The following FAM81A variants were observed in gnomAD, a reference collection of about 807,000 sequenced individuals.
The protein encoded by FAM81A is family with sequence similarity 81 member A, also known as protein FAM81A.
Under a neutral mutation model 46.7 loss-of-function variants are expected in FAM81A, and 19 were observed. The observed-to-expected ratio is 0.41, with a 90% CI of 0.28 to 0.60. The LOEUF (loss-of-function observed/expected upper bound fraction) is 0.60, where lower values mean the gene tolerates loss of function less well. Among genes scored for constraint, FAM81A ranks in the 20% least tolerant of loss-of-function variants. The pLI is 0.34. For synonymous variants in FAM81A, 183 were observed against 152.9 expected (o/e 1.20, Z -1.45); for missense variants, 377 against 453.5 (o/e 0.83, Z 1.53).
In FAM81A at chr15:59,421,682, C is replaced by G. The variant is rs2081172008; in HGVS notation, c.-78+19324C>G. On this transcript the variant is annotated intron_variant, in intron 2 of 4. Transcript: ENST00000558348. ...GTATTGAGGTTTTAAAGCTCTTATC[C>G]TTGGGGACAGATTAAACCCTTAAAC... is the stretch of plus-strand genomic sequence containing the variant. 2.6e-5 allele frequency among the ~76,000 whole-genome samples: 4 copies of G among 151,888 alleles called. No homozygotes were observed. The South Asian group carries it at 8.3e-4, about 32-fold the overall frequency.
intron 3 of FAM81A, among the ~76,000 whole-genome samples, chr15:59,480,366 T>C (rs1051066132): frequency 6.6e-6 from 1 of 152,180 alleles, no homozygotes; most frequent in Admixed American, 6.5e-5. Flanking sequence ...AACGCTGGCC[T>C]GTCTGGGGGG....
chr15:59,421,257 C>T (rs2141551979), intron 2 of FAM81A, among the ~76,000 whole-genome samples: 1 of 152,256 alleles, frequency 6.6e-6, no homozygotes, highest in East Asian at 1.9e-4. Flanking sequence ...AATTGGAGCT[C>T]AGTGGAAAGG....
intron 2 of FAM81A, among the ~76,000 whole-genome samples, chr15:59,405,108 G>T (rs2081088490): frequency 6.6e-6 from 1 of 152,184 alleles, no homozygotes; most frequent in African/African-American, 2.4e-5. Flanking sequence ...CTTCCTCAGA[G>T]AGGTCTTCCC....
At chr15:59,440,785 G>A (rs780109557) in intron 1 of FAM81A, among the ~76,000 whole-genome samples, 1 of 152,138 alleles carries the variant, frequency 6.6e-6, no homozygotes, top group African/African-American at 2.4e-5. Flanking sequence ...TCCACTTGGG[G>A]CATGTAAGTT....
intron 2 of FAM81A, among the ~76,000 whole-genome samples, chr15:59,424,236 C>T (rs763214309): frequency 6.6e-6 from 1 of 152,234 alleles, no homozygotes; most frequent in Non-Finnish European, 1.5e-5. Context: ...CTTCTTTTGT[C>T]TTCTGTGTTA....
At chr15:59,415,547 G>C (rs744416) in intron 2 of FAM81A, among the ~76,000 whole-genome samples, 62,048 of 152,078 alleles carry the variant, frequency 0.41, 14,135 homozygotes, top group Admixed American at 0.54. Context: ...TTGATCTTCT[G>C]TCATGTGCCA....
rs145355141 is a variant in FAM81A at position 59,498,959 on chromosome 15, G to A, written c.413+6570G>A. ...GTTAGGATTACAGGTGTGAGCCACC[G>A]CACCCAGCCCAAATGTGGATTTTTT... is the stretch of plus-strand genomic sequence containing the variant. On this transcript the variant is annotated intron_variant, in intron 4 of 8. Transcript: ENST00000288228. 6.7e-3 allele frequency among the ~76,000 whole-genome samples: 1,022 copies of A among 152,204 alleles called. 18 individuals carry two copies. The highest frequency in any genetic ancestry group is 0.024 in the African/African-American group (992 of 41,530).
chr15:59,455,692 A>G (rs1398205245), intron 1 of FAM81A, among the ~76,000 whole-genome samples: 1 of 152,182 alleles, frequency 6.6e-6, no homozygotes, highest in Non-Finnish European at 1.5e-5. Flanking sequence ...ATAGAGCTGC[A>G]TAGCGCTTAG....
At chr15:59,513,261 C>T (rs1596546535) in intron 6 of FAM81A, among the ~76,000 whole-genome samples, 1 of 151,966 alleles carries the variant, frequency 6.6e-6, no homozygotes, top group African/African-American at 2.4e-5. Context: ...CCATAGAGGA[C>T]AAGGGCAATT....
intron 2 of FAM81A, chr15:59,407,291 CTT>C (rs3053043): frequency 3.3e-5 from 4 of 120,216 alleles, no homozygotes; most frequent in Non-Finnish European, 3.3e-5. Context: ...CTTTTCTTTC[CTT>C]TTTTTTTTTT....
intron 3 of FAM81A, among the ~76,000 whole-genome samples, chr15:59,478,255 A>G (rs1484405167): frequency 2.6e-5 from 4 of 152,182 alleles, no homozygotes; most frequent in East Asian, 3.8e-4. Flanking sequence ...GCTCAACTTC[A>G]TGATGTCCTT....
chr15:59,408,302 TTTGTTGTTG>T (rs372437600), intron 2 of FAM81A: 2 of 152,222 alleles, frequency 1.3e-5, no homozygotes, highest in Non-Finnish European at 2.9e-5. Flanking sequence ...ACCTGTTTCT[TTTGTTGTTG>T]TTGTTGTTTT....
rs1426956301 is a variant in FAM81A, at chr15:59,522,197, T to C, written c.*819T>C. 1 of 152,646 alleles carries C rather than the reference T, an allele frequency of 6.6e-6. No individual in the cohort carries two copies. The highest frequency in any genetic ancestry group is 6.5e-5 in the Admixed American group (1 of 15,282). 9.5% of individuals were successfully genotyped at this position (152,646 alleles called of 1,614,324 possible). The stretch of plus-strand genomic sequence containing the variant: ...AATTGTTCACTAATCAAATAGAATG[T>C]GGTAATTTTTCAGACTTTATGATCT... On this transcript the variant is annotated 3_prime_UTR_variant, in exon 9 of 9. Coordinates refer to ENST00000288228, the MANE Select transcript of FAM81A (RefSeq NM_152450.3).
chr15:59,458,535 T>G lies in FAM81A; in HGVS notation c.-77-15T>G, dbSNP rs949855843. The G allele has an allele frequency of 2.1e-5, 34 of 1,589,670 alleles. No individual in the cohort carries two copies. The highest frequency in any genetic ancestry group is 2.9e-5 in the Non-Finnish European group (34 of 1,161,534). Reference sequence around the variant, plus strand: ...TATAAACTGTTAAATAATTTAGTGCTTATTTTTTCAACAGATGTGAATTAT... The same window carrying G: ...TATAAACTGTTAAATAATTTAGTGCGTATTTTTTCAACAGATGTGAATTAT... On this transcript the variant is annotated splice_polypyrimidine_tract_variant and intron_variant, in intron 1 of 8. Coordinates refer to ENST00000288228, the MANE Select transcript of FAM81A (RefSeq NM_152450.3).
chr15:59,479,412 G>A (rs2081818068), intron 3 of FAM81A, among the ~76,000 whole-genome samples: 1 of 151,428 alleles, frequency 6.6e-6, no homozygotes, highest in Non-Finnish European at 1.5e-5. Flanking sequence ...TTGGGAGGCT[G>A]AGGCAGGAGA....
At position 59,523,101 on chromosome 15, in the gene FAM81A, G is replaced by A. The variant is rs763177726; in HGVS notation, c.*1723G>A. ...ACACCCCCTCCAGCATCTCTGTCTT[G>A]TGGGGTCTTTGAGGAGAAGGAATCA... On this transcript the variant is annotated 3_prime_UTR_variant, in exon 9 of 9. Coordinates refer to ENST00000288228, the MANE Select transcript of FAM81A (RefSeq NM_152450.3). 1.3e-5 allele frequency: 2 copies of A among 152,314 alleles called. No individual in the cohort carries two copies. Among genetic ancestry groups the A allele is most frequent in the Non-Finnish European group, 2.9e-5 (2 of 68,090 alleles). 9.4% of individuals were successfully genotyped at this position (152,314 alleles called of 1,614,324 possible).
At chr15:59,502,889 C>CT (rs1567072949) in intron 4 of FAM81A, among the ~76,000 whole-genome samples, 1 of 151,984 alleles carries the variant, frequency 6.6e-6, no homozygotes, top group South Asian at 2.1e-4. Flanking sequence ...CAGCCTGCTT[C>CT]TTTTTTTACA....
chr15:59,422,644 T>G (rs1353778553), intron 2 of FAM81A, among the ~76,000 whole-genome samples: 3 of 152,026 alleles, frequency 2.0e-5, no homozygotes, highest in Non-Finnish European at 4.4e-5. Context: ...GCTCAGCTAA[T>G]TTTTTGGAAT....
chr15:59,470,931 T>C (rs1382079599), intron 3 of FAM81A, among the ~76,000 whole-genome samples: 4 of 152,140 alleles, frequency 2.6e-5, no homozygotes, highest in Non-Finnish European at 4.4e-5. Flanking sequence ...CAGGTGATTC[T>C]TCCATCTCAG....
Sources: gnomAD v4.1 joint callset for allele counts (sites outside exome capture counted in the v4.1 genomes callset) on GRCh38, gnomAD v4.1.1 for gene constraint, MANE v1.5 for transcripts, NCBI Gene and HGNC (gene_info 2026-07-23, HGNC 2026-07-21) for gene names.